PIP4K2A: variants seen among roughly 807,000 people sequenced by gnomAD.
PIP4K2A encodes phosphatidylinositol-5-phosphate 4-kinase type 2 alpha, also known as phosphatidylinositol 5-phosphate 4-kinase type-2 alpha.
In PIP4K2A, 14 loss-of-function variants were observed where a neutral mutation model predicts 42.9. The observed-to-expected ratio is 0.33, with a 90% CI of 0.22 to 0.51. The LOEUF (loss-of-function observed/expected upper bound fraction) is 0.51, where lower values mean the gene tolerates loss of function less well. Ranked by LOEUF, PIP4K2A falls within the 20% of genes least tolerant of loss-of-function variation. The pLI, the probability that PIP4K2A is intolerant of heterozygous loss-of-function variation, is 0.97. For missense variants in PIP4K2A, 434 were observed against 519.8 expected, an observed-to-expected ratio of 0.83 and a Z score of 1.61; for synonymous variants, 192 against 192.2, an observed-to-expected ratio of 1.00 and a Z score of 0.01.
intron 1 of PIP4K2A, among the ~76,000 whole-genome samples, chr10:22,676,279 A>C (rs2130869696): frequency 6.6e-6 from 1 of 152,326 alleles, no homozygotes; most frequent in African/African-American, 2.4e-5. Context: ...ATGTAAAGTC[A>C]TCAAGATGTA....
intron 4 of PIP4K2A, among the ~76,000 whole-genome samples, chr10:22,587,045 T>G (rs987889323): frequency 6.6e-6 from 1 of 152,190 alleles, no homozygotes; most frequent in African/African-American, 2.4e-5. Flanking sequence ...TCCTTGCTCT[T>G]GAACCACCTG....
intron 1 of PIP4K2A, among the ~76,000 whole-genome samples, chr10:22,685,032 C>A (rs1277091689): frequency 6.6e-6 from 1 of 152,138 alleles, no homozygotes; most frequent in Non-Finnish European, 1.5e-5. Flanking sequence ...ACACTCTTGT[C>A]ATTTAATTTC....
At chr10:22,628,367 C>A (rs1315709478) in intron 1 of PIP4K2A, among the ~76,000 whole-genome samples, 3 of 152,168 alleles carry the variant, frequency 2.0e-5, no homozygotes, top group Non-Finnish European at 4.4e-5. Context: ...TAGTATGAAT[C>A]TTGATCGTTA....
chr10:22,657,119 T>C (rs1355319647), intron 1 of PIP4K2A, among the ~76,000 whole-genome samples: 2 of 152,206 alleles, frequency 1.3e-5, no homozygotes, highest in African/African-American at 2.4e-5. Flanking sequence ...CAACATCTAA[T>C]ACTGTGATTG....
At chr10:22,598,149 G>C (rs576971558) in intron 3 of PIP4K2A, among the ~76,000 whole-genome samples, 1 of 152,304 alleles carries the variant, frequency 6.6e-6, no homozygotes, top group Admixed American at 6.5e-5. Context: ...CTTGAGGCCA[G>C]GAGTTTGGGA....
chr10:22,656,119 T>C (rs902415349), intron 1 of PIP4K2A, among the ~76,000 whole-genome samples: 2 of 152,200 alleles, frequency 1.3e-5, no homozygotes, highest in African/African-American at 4.8e-5. Context: ...TTTAATGAAA[T>C]AATATAGAAT....
At chr10:22,625,402 GTA>G (rs1466088633) in intron 1 of PIP4K2A, among the ~76,000 whole-genome samples, 1 of 152,112 alleles carries the variant, frequency 6.6e-6, no homozygotes, top group East Asian at 1.9e-4. Context: ...GCATTAAAAT[GTA>G]TAGAACATTA....
chr10:22,670,170 G>A (rs564998268), intron 1 of PIP4K2A, among the ~76,000 whole-genome samples: 2 of 152,294 alleles, frequency 1.3e-5, no homozygotes, highest in South Asian at 2.1e-4. Flanking sequence ...CTTGAGCCCA[G>A]AAGTTTAAGA....
intron 1 of PIP4K2A, among the ~76,000 whole-genome samples, chr10:22,655,888 G>T (rs934060935): frequency 6.6e-6 from 1 of 152,158 alleles, no homozygotes; most frequent in Non-Finnish European, 1.5e-5. Flanking sequence ...GTTGTGCTGG[G>T]TGTGTTGTGT....
rs374374429 is a variant in PIP4K2A, at chr10:22,587,301, G to A, written c.492+4328C>T. Among the ~76,000 whole-genome samples the A allele has an allele frequency of 6.4e-4, 97 of 152,158 alleles. 1 individual carries two copies. Among genetic ancestry groups the A allele is most frequent in the African/African-American group, 1.9e-3 (79 of 41,506 alleles). On this transcript the variant is annotated intron_variant, in intron 4 of 9. Coordinates refer to ENST00000376573, the MANE Select transcript of PIP4K2A (RefSeq NM_005028.5). ...AGAAAGTCCATGCAATTCACTCCAC[G>A]GGAGAAACCCTCTATGAGAGCCTCT...
At chr10:22,548,811 T>G (rs1836317951) in intron 7 of PIP4K2A, among the ~76,000 whole-genome samples, 1 of 151,822 alleles carries the variant, frequency 6.6e-6, no homozygotes, top group South Asian at 2.1e-4. Flanking sequence ...TTTGGGAGGC[T>G]GAGGTGGGAG....
intron 1 of PIP4K2A, among the ~76,000 whole-genome samples, chr10:22,702,166 G>C (rs946183690): frequency 6.6e-6 from 1 of 152,198 alleles, no homozygotes; most frequent in Non-Finnish European, 1.5e-5. Flanking sequence ...ACTATCCAAG[G>C]AAGTGAGCAG....
intron 1 of PIP4K2A, among the ~76,000 whole-genome samples, chr10:22,657,566 T>C (rs1229972096): frequency 6.6e-6 from 1 of 152,226 alleles, no homozygotes; most frequent in Non-Finnish European, 1.5e-5. Context: ...ACAGACGCAC[T>C]GCTTTGACAC....
At chr10:22,556,770 G>A (rs1564419283) in intron 6 of PIP4K2A, among the ~76,000 whole-genome samples, 1 of 152,130 alleles carries the variant, frequency 6.6e-6, no homozygotes, top group Non-Finnish European at 1.5e-5. Flanking sequence ...CTTGCTATGA[G>A]TTGTAAAAAG....
intron 7 of PIP4K2A, among the ~76,000 whole-genome samples, chr10:22,545,422 G>C (rs535347926): frequency 6.6e-6 from 1 of 152,354 alleles, no homozygotes; most frequent in South Asian, 2.1e-4. Flanking sequence ...AACTGGGACT[G>C]GCCAGCCGCA....
chr10:22,596,795 C>G (rs564555377), intron 3 of PIP4K2A, among the ~76,000 whole-genome samples: 2 of 152,232 alleles, frequency 1.3e-5, no homozygotes, highest in Non-Finnish European at 2.9e-5. Context: ...GCAGAAATGA[C>G]TTGCCCAACT....
intron 6 of PIP4K2A, among the ~76,000 whole-genome samples, chr10:22,553,713 C>G (rs905049562): frequency 6.6e-6 from 1 of 151,940 alleles, no homozygotes; most frequent in African/African-American, 2.4e-5. Flanking sequence ...CCCATCACCA[C>G]CCCCATCGTC....
chr10:22,558,693 CAGTG>C (rs1312126622), intron 6 of PIP4K2A, among the ~76,000 whole-genome samples: 1 of 152,154 alleles, frequency 6.6e-6, no homozygotes, highest in African/African-American at 2.4e-5. Context: ...ACAGTGAAAA[CAGTG>C]AGAATGTGCA....
intron 1 of PIP4K2A, among the ~76,000 whole-genome samples, chr10:22,628,123 G>A (rs1838483630): frequency 6.8e-6 from 1 of 147,676 alleles, no homozygotes; most frequent in African/African-American, 2.6e-5. Flanking sequence ...AAACCCAAAA[G>A]CTACAATGCC....
Sources: gnomAD v4.1 joint callset for allele counts (sites outside exome capture counted in the v4.1 genomes callset) on GRCh38, gnomAD v4.1.1 for gene constraint, MANE v1.5 for transcripts, NCBI Gene and HGNC (gene_info 2026-07-23, HGNC 2026-07-21) for gene names.